PTK2: variants seen among roughly 807,000 people sequenced by gnomAD.
PTK2 encodes the protein protein tyrosine kinase 2.
In PTK2, 45 loss-of-function variants were observed where a neutral mutation model predicts 150.1. That is an observed-to-expected ratio of 0.30 (90% CI 0.24 to 0.38). The LOEUF is 0.38. Ranked by LOEUF, PTK2 falls within the 10% of genes least tolerant of loss-of-function variation. The pLI, the probability that PTK2 is intolerant of heterozygous loss-of-function variation, is 1.00. For missense variants in PTK2, 919 were observed against 1,307.3 expected (o/e 0.70, Z 4.58); for synonymous variants, 432 against 449.2 (o/e 0.96, Z 0.48).
chr8:140,774,597 C>T (rs1396241912), intron 14 of PTK2, among the ~76,000 whole-genome samples: 1 of 152,142 alleles, frequency 6.6e-6, no homozygotes, highest in Non-Finnish European at 1.5e-5. Flanking sequence ...AAGACTGAGA[C>T]CTACTGGGCT....
intron 31 of PTK2, among the ~76,000 whole-genome samples, chr8:140,664,474 G>A (rs1406947126): frequency 1.3e-5 from 2 of 152,164 alleles, no homozygotes; most frequent in African/African-American, 4.8e-5. Flanking sequence ...GGAAAACCAG[G>A]ATCATTTGCA....
chr8:140,996,582 G>A (rs778174379), intron 1 of PTK2, among the ~76,000 whole-genome samples: 14 of 152,156 alleles, frequency 9.2e-5, no homozygotes, highest in Non-Finnish European at 1.6e-4. Flanking sequence ...GCCAATGCTC[G>A]TTTCCCATTC....
intron 16 of PTK2, among the ~76,000 whole-genome samples, chr8:140,756,375 T>G (rs547667420): frequency 6.6e-6 from 1 of 150,436 alleles, no homozygotes; most frequent in African/African-American, 2.4e-5. Flanking sequence ...CCTTGGGGAC[T>G]GGAATTCATT....
intron 12 of PTK2, among the ~76,000 whole-genome samples, chr8:140,797,931 C>A (rs116447253): frequency 0.017 from 2,549 of 152,210 alleles, 72 homozygotes; most frequent in African/African-American, 0.057. Flanking sequence ...CAGACATGAG[C>A]CACTATGACA....
At chr8:140,863,132 G>A (rs2100137203) in intron 5 of PTK2, among the ~76,000 whole-genome samples, 1 of 152,058 alleles carries the variant, frequency 6.6e-6, no homozygotes, top group East Asian at 1.9e-4. Context: ...ATCCACCATT[G>A]CTCTTTCATG....
At chr8:140,844,088 G>A (rs1310949016) in intron 7 of PTK2, among the ~76,000 whole-genome samples, 1 of 152,162 alleles carries the variant, frequency 6.6e-6, no homozygotes, top group Non-Finnish European at 1.5e-5. Context: ...TTTGTTTGAT[G>A]TTTTTTCTCG....
chr8:140,699,903 T>C (rs965443879), intron 26 of PTK2, among the ~76,000 whole-genome samples: 2 of 152,022 alleles, frequency 1.3e-5, no homozygotes, highest in African/African-American at 4.8e-5. Context: ...AGATAATAAA[T>C]GGACAGGTCC....
intron 25 of PTK2, 36 bp from the exon 29 acceptor site, chr8:140,701,058 A>T: frequency 1.9e-6 from 3 of 1,602,648 alleles, no homozygotes; most frequent in Non-Finnish European, 2.6e-6. Context: ...ATTCAGTCTC[A>T]TAAGTCTATT....
chr8:140,947,624 G>GT lies in PTK2; in HGVS notation c.-121-21876dup, dbSNP rs879658674. ...ACTTCAATGAAACTGAAGTATGCAA[G>GT]TTTTTTTTTTTAAAGGTAAATAAGA... On this transcript the variant is annotated intron_variant, in intron 1 of 31. Coordinates refer to ENST00000522684, the Ensembl canonical transcript of PTK2. 4.1e-3 allele frequency among the ~76,000 whole-genome samples: 610 copies of GT among 147,496 alleles called. 3 individuals carry two copies. Among genetic ancestry groups the GT allele is most frequent in the Non-Finnish European group, 6.5e-3 (434 of 66,580 alleles).
At chr8:140,967,973 A>G (rs183351617) in intron 1 of PTK2, among the ~76,000 whole-genome samples, 18 of 152,338 alleles carry the variant, frequency 1.2e-4, no homozygotes. Flanking sequence ...AAGAATGTGA[A>G]TATGTTATGA....
intron 14 of PTK2, chr8:140,764,961 T>C (rs1334850936): frequency 2.0e-5 from 3 of 152,214 alleles, no homozygotes; most frequent in Non-Finnish European, 4.4e-5. Flanking sequence ...AGTTCCAATG[T>C]ATCTACCTAC....
chr8:140,741,917 T>C (rs1327834340), intron 20 of PTK2, among the ~76,000 whole-genome samples: 6 of 152,094 alleles, frequency 3.9e-5, no homozygotes, highest in Non-Finnish European at 5.9e-5. Flanking sequence ...GGCAGGAGAA[T>C]AGCTTCAGCC....
chr8:140,879,425 A>G, intron 4 of PTK2, 46 bp downstream of exon 4: 2 of 1,516,678 alleles, frequency 1.3e-6, no homozygotes, highest in Non-Finnish European at 1.8e-6. Context: ...TTTAAAAAGC[A>G]AAAGAAATCA....
At chr8:140,820,509 G>A (rs1441208921) in intron 8 of PTK2, 1 of 152,476 alleles carries the variant, frequency 6.6e-6, no homozygotes, top group Non-Finnish European at 1.5e-5. Context: ...GGAGGAGACA[G>A]ATGGCACAAG....
intron 15 of PTK2, among the ~76,000 whole-genome samples, chr8:140,762,748 A>T (rs1477147788): frequency 1.3e-5 from 2 of 152,112 alleles, no homozygotes; most frequent in African/African-American, 4.8e-5. Context: ...ATGGCTAATT[A>T]AAAAAGTAAA....
chr8:140,740,234 A>T (rs1241760643), intron 20 of PTK2, among the ~76,000 whole-genome samples: 2 of 152,228 alleles, frequency 1.3e-5, no homozygotes, highest in Admixed American at 1.3e-4. Context: ...AAGTATACTC[A>T]AATTTGGTAC....
chr8:140,936,196 T>C (rs774464364), intron 1 of PTK2, among the ~76,000 whole-genome samples: 5 of 152,124 alleles, frequency 3.3e-5, no homozygotes, highest in Non-Finnish European at 7.4e-5. Flanking sequence ...AACCTTCTAG[T>C]TTTGTGAATT....
Position 140,892,663 on chromosome 8 carries a change from G to C in PTK2, c.-32-1894C>G, listed in dbSNP as rs533986360. The C allele has an allele frequency of 1.1e-4, 45 of 409,726 alleles. 2 individuals are homozygous for C. The highest frequency in any genetic ancestry group is 2.0e-4 in the Non-Finnish European group (43 of 213,210). 25.4% of individuals were successfully genotyped at this position (409,726 alleles called of 1,614,324 possible). On this transcript the variant is annotated intron_variant, in intron 2 of 31. Transcript: ENST00000522684. The stretch of plus-strand genomic sequence containing the variant: ...AAAAAAAAAATGGTATAACAGCACA[G>C]TAAAAGGAAAAAAATTATAAACCAA...
chr8:140,774,522 G>A (rs974875785), intron 14 of PTK2, among the ~76,000 whole-genome samples: 6 of 152,124 alleles, frequency 3.9e-5, no homozygotes, highest in African/African-American at 9.7e-5. Flanking sequence ...ATTGTGTAGC[G>A]TGGTCCTATT....
Sources: gnomAD v4.1 joint callset for allele counts (sites outside exome capture counted in the v4.1 genomes callset) on GRCh38, gnomAD v4.1.1 for gene constraint, MANE v1.5 for transcripts, NCBI Gene and HGNC (gene_info 2026-07-23, HGNC 2026-07-21) for gene names.